The following RPL37 variants were observed in gnomAD, a reference collection of about 807,000 sequenced individuals.
RPL37 encodes the protein ribosomal protein L37, also known as large ribosomal subunit protein eL37.
RPL37 carries 1 observed loss-of-function variant against 14.8 expected under a neutral mutation model. The ratio of observed to expected loss-of-function variants is 0.07; its 90% confidence interval spans 0.02 to 0.32. RPL37 has a LOEUF of 0.32. Ranked by LOEUF, RPL37 falls within the 10% of genes least tolerant of loss-of-function variation. The probability of loss-of-function intolerance (pLI) is 1.00; values close to 1 mark genes in which losing one functional copy is unlikely to be tolerated. For missense variants in RPL37, 100 were observed against 128.3 expected, an observed-to-expected ratio of 0.78 and a Z score of 1.06; for synonymous variants, 53 against 45.8, an observed-to-expected ratio of 1.16 and a Z score of -0.63.
chr5:40,834,365 A>C, intron 2 of RPL37, 100 bp from the exon 3 acceptor site: 3 of 1,562,486 alleles, frequency 1.9e-6, no homozygotes, highest in South Asian at 2.3e-5. Context: ...CGGCATACAG[A>C]TGTACGAGTT....
In RPL37 at chr5:40,826,047, G is replaced by C. The variant is rs1243697968; in HGVS notation, c.*6457C>G. ...TTCTAAACAACTGTCCTCACTTGAG[G>C]AAGCTGGCCTTTCTCCTGTACTGTT... On this transcript the variant is annotated 3_prime_UTR_variant, in exon 4 of 4. Transcript: ENST00000274242. The C allele has an allele frequency of 6.6e-6, 1 of 152,164 alleles. No individual in the cohort carries two copies. Among genetic ancestry groups the C allele is most frequent in the Non-Finnish European group, 1.5e-5 (1 of 68,048 alleles). 9.4% of individuals were successfully genotyped at this position (152,164 alleles called of 1,614,324 possible). A position where few individuals can be genotyped will look rare whatever the true frequency, so the allele number is the denominator to read the frequency against.
rs1347210855 is a variant in RPL37, at chr5:40,835,213, A to G, written c.-28T>C. Reference sequence around the variant, plus strand: ...CGCTTCTGCGGCCGAGACCAGAAAGACCGGAAGAGAAGGCACTTCCGCTAT... The same window carrying G: ...CGCTTCTGCGGCCGAGACCAGAAAGGCCGGAAGAGAAGGCACTTCCGCTAT... On this transcript the variant is annotated 5_prime_UTR_variant, in exon 1 of 4. Coordinates refer to ENST00000274242, the MANE Select transcript of RPL37 (RefSeq NM_000997.5). 1.2e-6 allele frequency: 2 copies of G among 1,613,838 alleles called. No individual in the cohort carries two copies. The highest frequency in any genetic ancestry group is 1.1e-5 in the South Asian group (1 of 91,056).
intron 3 of RPL37, chr5:40,832,844 T>G: frequency 2.2e-6 from 1 of 458,710 alleles, no homozygotes; most frequent in Admixed American, 3.2e-5. Context: ...GCCAGTATGT[T>G]TGTTCATATT....
rs933062368 is a variant in RPL37 at position 40,829,215 on chromosome 5, T to A, written c.*3289A>T. 3.3e-5 allele frequency: 5 copies of A among 152,230 alleles called. No homozygotes were observed. The highest frequency in any genetic ancestry group is 1.2e-4 in the African/African-American group (5 of 41,470). The allele number at this position is 152,230 out of a possible 1,614,324, so 9.4% of individuals were successfully genotyped here. A position where few individuals can be genotyped will look rare whatever the true frequency, so the allele number is the denominator to read the frequency against. On this transcript the variant is annotated 3_prime_UTR_variant, in exon 4 of 4. Coordinates refer to ENST00000274242, the MANE Select transcript of RPL37 (RefSeq NM_000997.5). ...CCGGACAGCCCCACAGCCACTGCCT[T>A]AGTCTGTCATGATTTTCACATGAAC...
In RPL37 at chr5:40,827,485, CTT is replaced by C. The variant is rs942060644; in HGVS notation, c.*5017_*5018del. 13 of 152,184 alleles carry C rather than the reference CTT, an allele frequency of 8.5e-5. No homozygotes were observed. The highest frequency in any genetic ancestry group is 3.9e-4 in the Admixed American group (6 of 15,278). The allele number at this position is 152,184 out of a possible 1,614,324, so 9.4% of individuals were successfully genotyped here. On this transcript the variant is annotated 3_prime_UTR_variant, in exon 4 of 4. Coordinates refer to ENST00000274242, the MANE Select transcript of RPL37 (RefSeq NM_000997.5). The stretch of plus-strand genomic sequence containing the variant: ...TTCGCAACTAATCATGATGAAAATA[CTT>C]TTTGTTATCTGTGAGTAATCTAAAA...
chr5:40,834,146 A>G, intron 3 of RPL37, 35 bp downstream of exon 3: 1 of 1,460,668 alleles, frequency 6.8e-7, no homozygotes, highest in Non-Finnish European at 9.6e-7. Flanking sequence ...ATTCAAGCCC[A>G]CTGGACCAAT....
At chr5:40,834,047 AAAC>A (rs1363938919) in intron 3 of RPL37, 131 bp downstream of exon 3, 16 of 687,776 alleles carry the variant, frequency 2.3e-5, no homozygotes, top group South Asian at 1.6e-4. Flanking sequence ...CCTGCCTCAA[AAAC>A]AACAATAAAT....
In RPL37 at chr5:40,831,813, T is replaced by C. The variant is rs1745646256; in HGVS notation, c.*691A>G. The C allele has an allele frequency of 6.6e-6, 1 of 152,376 alleles. No individual in the cohort carries two copies. 9.4% of individuals were successfully genotyped at this position (152,376 alleles called of 1,614,324 possible). A position where few individuals can be genotyped will look rare whatever the true frequency, so the allele number is the denominator to read the frequency against. On this transcript the variant is annotated 3_prime_UTR_variant, in exon 4 of 4. Transcript: ENST00000274242. Reference sequence around the variant, plus strand: ...GACCAAGTAGTCCCACATCATTGCCTTTAGTCTACAAATCTCAGGGATTAT... The same window carrying C: ...GACCAAGTAGTCCCACATCATTGCCCTTAGTCTACAAATCTCAGGGATTAT...
rs570170677 is a variant in RPL37, at chr5:40,835,110, C to G, written c.3+73G>C. ...CTTATCCGGAATCTTGCCAGCCCCC[C>G]AAGCACAGCAAACAGAGAGGCACAA... On this transcript the variant is annotated intron_variant, in intron 1 of 3. Coordinates refer to ENST00000274242, the MANE Select transcript of RPL37 (RefSeq NM_000997.5). 2.4e-4 allele frequency: 392 copies of G among 1,606,324 alleles called. 2 individuals carry two copies. In the South Asian group the frequency reaches 3.9e-3, roughly 16 times the overall value.
At chr5:40,834,976 G>A (rs1016178889) in intron 1 of RPL37, 2 of 682,538 alleles carry the variant, frequency 2.9e-6, no homozygotes, top group Non-Finnish European at 5.1e-6. Context: ...GACACAATGC[G>A]GCTCTAGCAC....
rs1167651969 is a variant in RPL37, at chr5:40,831,427, T to C, written c.*1077A>G. On this transcript the variant is annotated 3_prime_UTR_variant, in exon 4 of 4. Transcript: ENST00000274242. The stretch of plus-strand genomic sequence containing the variant: ...GTAAATTAGGAGTTAAAATACAAGA[T>C]GAGAGTAGCAATTAGCTAGCACATT... 1 of 152,306 alleles carries C rather than the reference T, an allele frequency of 6.6e-6. No homozygotes were observed. The highest frequency in any genetic ancestry group is 2.4e-5 in the African/African-American group (1 of 41,440). 9.4% of individuals were successfully genotyped at this position (152,306 alleles called of 1,614,324 possible).
chr5:40,835,118 G>A, intron 1 of RPL37, 65 bp downstream of exon 1: 2 of 1,609,556 alleles, frequency 1.2e-6, no homozygotes, highest in Non-Finnish European at 1.7e-6. Context: ...CCCAAGCACA[G>A]CAAACAGAGA....
In RPL37 at chr5:40,833,816, A is replaced by G. The variant is rs543949385; in HGVS notation, c.224+365T>C. 14 of 177,372 alleles carry G rather than the reference A, an allele frequency of 7.9e-5. No individual in the cohort carries two copies. The East Asian group carries it at 1.8e-3, about 23-fold the overall frequency. 11.0% of individuals were successfully genotyped at this position (177,372 alleles called of 1,614,324 possible). A position where few individuals can be genotyped will look rare whatever the true frequency, so the allele number is the denominator to read the frequency against. ...CAGCGGCAGAAGATAAAAGCTTTCA[A>G]CATCTGGCCTGAGCCCAGGAGTTCC... is the stretch of plus-strand genomic sequence containing the variant. On this transcript the variant is annotated intron_variant, in intron 3 of 3. Coordinates refer to ENST00000274242, the MANE Select transcript of RPL37 (RefSeq NM_000997.5).
At position 40,830,446 on chromosome 5, in the gene RPL37, C is replaced by T. The variant is rs1745618031; in HGVS notation, c.*2058G>A. ...ACATAGTTTAACTCCATCTCCAATG[C>T]AAGATCCACTGCTTATTTTGTTTCA... On this transcript the variant is annotated 3_prime_UTR_variant, in exon 4 of 4. Transcript: ENST00000274242. The T allele has an allele frequency of 6.6e-6, 1 of 151,774 alleles. No homozygotes were observed. The highest frequency in any genetic ancestry group is 1.5e-5 in the Non-Finnish European group (1 of 67,986). 9.4% of individuals were successfully genotyped at this position (151,774 alleles called of 1,614,324 possible).
rs1010822749 is a variant in RPL37 at position 40,830,480 on chromosome 5, T to C, written c.*2024A>G. 4 of 150,350 alleles carry C rather than the reference T, an allele frequency of 2.7e-5. No individual in the cohort carries two copies. The East Asian group carries it at 8.1e-4, about 31-fold the overall frequency. The allele number at this position is 150,350 out of a possible 1,614,324, so 9.3% of individuals were successfully genotyped here. A position where few individuals can be genotyped will look rare whatever the true frequency, so the allele number is the denominator to read the frequency against. On this transcript the variant is annotated 3_prime_UTR_variant, in exon 4 of 4. Coordinates refer to ENST00000274242, the MANE Select transcript of RPL37 (RefSeq NM_000997.5). Reference sequence around the variant, plus strand: ...CTGCTTATTTTGTTTCATTTGAAAATTTGAGTCATTAGTTCAAGGATTTTT... The same window carrying C: ...CTGCTTATTTTGTTTCATTTGAAAACTTGAGTCATTAGTTCAAGGATTTTT...
chr5:40,833,867 T>C (rs1391400241), intron 3 of RPL37: 2 of 266,430 alleles, frequency 7.5e-6, no homozygotes, highest in African/African-American at 4.5e-5. Context: ...AACATGACAA[T>C]ATCCCATTCT....
rs945503085 is a variant in RPL37 at position 40,828,116 on chromosome 5, C to T, written c.*4388G>A. 3 of 152,142 alleles carry T rather than the reference C, an allele frequency of 2.0e-5. No individual in the cohort carries two copies. Among genetic ancestry groups the T allele is most frequent in the Non-Finnish European group, 2.9e-5 (2 of 68,040 alleles). The allele number at this position is 152,142 out of a possible 1,614,324, so 9.4% of individuals were successfully genotyped here. Reference sequence around the variant, plus strand: ...CTATTACAAAATTAAGTTTCAATTACAGGCAAGGTTAAACTCTGCAAGCAA... The same window carrying T: ...CTATTACAAAATTAAGTTTCAATTATAGGCAAGGTTAAACTCTGCAAGCAA... On this transcript the variant is annotated 3_prime_UTR_variant, in exon 4 of 4. Coordinates refer to ENST00000274242, the MANE Select transcript of RPL37 (RefSeq NM_000997.5).
chr5:40,834,437 A>C, intron 2 of RPL37, 34 bp downstream of exon 2: 1 of 1,605,334 alleles, frequency 6.2e-7, no homozygotes, highest in Non-Finnish European at 8.5e-7. Context: ...TACAAACAAA[A>C]GCTAACACAG....
At position 40,832,352 on chromosome 5, in the gene RPL37, A is replaced by T. The variant is rs1026514621; in HGVS notation, c.*152T>A. 1.4e-6 allele frequency: 1 copy of T among 729,102 alleles called. No homozygotes were observed. The highest frequency in any genetic ancestry group is 2.5e-5 in the East Asian group (1 of 39,216). 45.2% of individuals were successfully genotyped at this position (729,102 alleles called of 1,614,324 possible). A position where few individuals can be genotyped will look rare whatever the true frequency, so the allele number is the denominator to read the frequency against. On this transcript the variant is annotated 3_prime_UTR_variant, in exon 4 of 4. Coordinates refer to ENST00000274242, the MANE Select transcript of RPL37 (RefSeq NM_000997.5). ...AGTAAACATTCCAAAACAGTCACTTAACAAGTAAATCTGATATGAAGCTAG... is the reference window on the plus strand; with the variant it reads ...AGTAAACATTCCAAAACAGTCACTTTACAAGTAAATCTGATATGAAGCTAG...
Sources: gnomAD v4.1 joint callset for allele counts on GRCh38, gnomAD v4.1.1 for gene constraint, MANE v1.5 for transcripts, NCBI Gene and HGNC (gene_info 2026-07-23, HGNC 2026-07-21) for gene names.